SRPRB: variants seen among roughly 807,000 people sequenced by gnomAD.
SRPRB encodes SRP receptor subunit beta, also known as signal recognition particle receptor subunit beta.
SRPRB carries 20 observed loss-of-function variants against 31.9 expected under a neutral mutation model. The ratio of observed to expected loss-of-function variants is 0.63; its 90% CI spans 0.44 to 0.91. The LOEUF (loss-of-function observed/expected upper bound fraction) is 0.91, where lower values mean the gene tolerates loss of function less well. Ranked by LOEUF, SRPRB falls within the 40% of genes least tolerant of loss-of-function variation. The probability of loss-of-function intolerance (pLI) is 0.00; values close to 1 mark genes in which losing one functional copy is unlikely to be tolerated. For missense variants in SRPRB, 321 were observed against 324.9 expected (o/e 0.99, Z 0.09); for synonymous variants, 146 against 132.8 (o/e 1.10, Z -0.68).
chr3:133,805,688 C>T, upstream of SRPRB: 2 of 824,932 alleles, frequency 2.4e-6, no homozygotes, highest in South Asian at 4.8e-5. Flanking sequence ...GGACGGAGTC[C>T]CAGAGAACTA....
chr3:133,785,368 C>T (rs1304527527), intron 1 of SRPRB: 10 of 107,652 alleles, frequency 9.3e-5, no homozygotes, highest in East Asian at 3.4e-4. Flanking sequence ...GCCCCCCGCC[C>T]GGCCAGCCGC....
chr3:133,811,287 G>A (rs1935257733), intron 4 of SRPRB, 88 bp downstream of exon 4: 3 of 1,388,522 alleles, frequency 2.2e-6, no homozygotes, highest in Admixed American at 1.8e-5. Flanking sequence ...TGGTGTTTGG[G>A]AGGCAGCATG....
chr3:133,800,020 T>TC (rs1226469854), intron 1 of SRPRB, among the ~76,000 whole-genome samples: 2 of 152,140 alleles, frequency 1.3e-5, no homozygotes, highest in Admixed American at 6.5e-5. Flanking sequence ...TCTTCCTTCT[T>TC]CCCCCAGGGA....
At chr3:133,824,170 C>CACTT (rs1935518327), downstream of SRPRB, 1 of 152,370 alleles carries the variant, frequency 6.6e-6, no homozygotes, top group African/African-American at 2.4e-5. Flanking sequence ...GTGGAGCACA[C>CACTT]ACTTCAGGAA....
At chr3:133,825,286 C>T (rs1935540942), downstream of SRPRB, 1 of 152,246 alleles carries the variant, frequency 6.6e-6, no homozygotes, top group South Asian at 2.1e-4. Context: ...TATCCCAGGG[C>T]AGGGCCTCCC....
intron 1 of SRPRB, among the ~76,000 whole-genome samples, chr3:133,797,767 T>G (rs1023620608): frequency 6.6e-6 from 1 of 152,224 alleles, no homozygotes; most frequent in African/African-American, 2.4e-5. Flanking sequence ...AATAAACAAG[T>G]CTTAATGCTC....
At chr3:133,792,880 A>G (rs901599175) in intron 1 of SRPRB, 2 of 152,188 alleles carry the variant, frequency 1.3e-5, no homozygotes, top group African/African-American at 4.8e-5. Flanking sequence ...TTTTCCATAA[A>G]TTGAACATCA....
intron 1 of SRPRB, chr3:133,793,633 T>C (rs1024902911): frequency 1.3e-5 from 2 of 152,208 alleles, no homozygotes; most frequent in African/African-American, 4.8e-5. Flanking sequence ...ATTATGTTAT[T>C]GTAGACCACA....
intron 4 of SRPRB, 55 bp from the exon 5 acceptor site, chr3:133,815,535 T>C: frequency 6.2e-7 from 1 of 1,605,846 alleles, no homozygotes; most frequent in Non-Finnish European, 8.5e-7. Context: ...TTTTTCAAGA[T>C]AATGATGTCC....
chr3:133,802,820 T>G (rs1245458520), upstream of SRPRB, among the ~76,000 whole-genome samples: 1 of 152,178 alleles, frequency 6.6e-6, no homozygotes, highest in Non-Finnish European at 1.5e-5. Flanking sequence ...GCTTTTAGAT[T>G]TCCCAGAAGC....
intron 1 of SRPRB, chr3:133,793,419 AG>A (rs1472732501): frequency 6.6e-6 from 1 of 152,122 alleles, no homozygotes; most frequent in Non-Finnish European, 1.5e-5. Flanking sequence ...GAGATGCTGC[AG>A]AGGGCCCCTG....
At chr3:133,805,627 ATG>A (rs1158644801), upstream of SRPRB, 10 of 433,442 alleles carry the variant, frequency 2.3e-5, no homozygotes, top group Non-Finnish European at 3.2e-5. Context: ...CTCTTAAAAG[ATG>A]TGTGTGTCCC....
chr3:133,811,705 C>T (rs1343826272), intron 4 of SRPRB, among the ~76,000 whole-genome samples: 1 of 151,766 alleles, frequency 6.6e-6, no homozygotes, highest in South Asian at 2.1e-4. Context: ...GCCTCAGCCT[C>T]CTGAGTAGCT....
intron 4 of SRPRB, among the ~76,000 whole-genome samples, chr3:133,811,486 TA>T (rs1935261298): frequency 6.6e-6 from 1 of 152,204 alleles, no homozygotes; most frequent in Non-Finnish European, 1.5e-5. Flanking sequence ...GTGAATTTAA[TA>T]ATGTATATGA....
chr3:133,827,548 C>T, downstream of SRPRB: 1 of 237,918 alleles, frequency 4.2e-6, no homozygotes, highest in Non-Finnish European at 8.1e-6. Context: ...TTCTGGAGAC[C>T]CCACCTGAAC....
chr3:133,787,044 A>T (rs759716079), intron 1 of SRPRB: 2 of 152,244 alleles, frequency 1.3e-5, no homozygotes, highest in Non-Finnish European at 2.9e-5. Context: ...GAAATTGCCA[A>T]AGGTAATATG....
chr3:133,809,444 G>T (rs939835615), intron 3 of SRPRB, among the ~76,000 whole-genome samples: 18 of 151,938 alleles, frequency 1.2e-4, no homozygotes, highest in African/African-American at 4.1e-4. Context: ...AGATTGTAAA[G>T]AAAAATAAAG....
downstream of SRPRB, chr3:133,824,973 T>C (rs941068725): frequency 1.3e-5 from 2 of 152,162 alleles, no homozygotes; most frequent in African/African-American, 4.8e-5. Context: ...TTTTCCTGCC[T>C]GTAGACAGGA....
At chr3:133,794,859 A>G (rs1444091956) in intron 1 of SRPRB, 1 of 152,146 alleles carries the variant, frequency 6.6e-6, no homozygotes, top group Non-Finnish European at 1.5e-5. Flanking sequence ...TTTTGCCTCT[A>G]TGAAGAATAG....
Sources: allele counts gnomAD v4.1 joint callset (sites outside exome capture counted in the v4.1 genomes callset), GRCh38; gene constraint gnomAD v4.1.1; transcripts MANE v1.5; gene names NCBI Gene and HGNC (gene_info 2026-07-23, HGNC 2026-07-21).